Variants in VTI1A observed in about 807,000 individuals in gnomAD.
The protein encoded by VTI1A is vesicle transport through interaction with t-SNAREs homolog 1A.
VTI1A carries 22 observed loss-of-function variants against 34.9 expected under a neutral mutation model. The observed-to-expected ratio is 0.63, with a 90% CI of 0.45 to 0.90. The LOEUF (loss-of-function observed/expected upper bound fraction) is 0.90, where lower values mean the gene tolerates loss of function less well. Among genes scored for constraint, VTI1A ranks in the 40% least tolerant of loss-of-function variants. The probability of loss-of-function intolerance (pLI) is 0.00; values close to 1 mark genes in which losing one functional copy is unlikely to be tolerated. For synonymous variants in VTI1A, 87 were observed against 97.3 expected, an observed-to-expected ratio of 0.89 and a Z score of 0.62; for missense variants, 268 against 275.6, an observed-to-expected ratio of 0.97 and a Z score of 0.20.
rs778100732 is a variant in VTI1A, at chr10:112,464,629, A to G, written c.236A>G (p.Gln79Arg). The change falls in exon 3 of 8, where the codon CAA becomes CGA. Residue 79 changes from glutamine to arginine, a missense_variant. Gln to Arg is a conservative substitution (Grantham distance 43). Transcript: ENST00000393077. Reference sequence around the variant, plus strand: ...AGCAACAGAATGAGAAGCTACAAACAAGAAATGGGAAAACTCGAAACAGAT... The same window carrying G: ...AGCAACAGAATGAGAAGCTACAAACGAGAAATGGGAAAACTCGAAACAGAT... ...MYSNRMRSYK[Q>R]EMGKLETDFK... 2 of 1,612,256 alleles carry G rather than the reference A, an allele frequency of 1.2e-6. No individual in the cohort carries two copies. The highest frequency in any genetic ancestry group is 2.2e-5 in the South Asian group (2 of 90,876).
intron 5 of VTI1A, among the ~76,000 whole-genome samples, chr10:112,594,156 C>G (rs970663716): frequency 3.3e-5 from 5 of 152,180 alleles, no homozygotes; most frequent in African/African-American, 1.2e-4. Context: ...TGTGATCCGC[C>G]TCGGCCTCCC....
At chr10:112,713,734 A>T (rs187514638) in intron 7 of VTI1A, among the ~76,000 whole-genome samples, 36 of 152,228 alleles carry the variant, frequency 2.4e-4, no homozygotes, top group Non-Finnish European at 4.9e-4. Flanking sequence ...TTTCATTTAA[A>T]TTATCAGTGA....
intron 5 of VTI1A, among the ~76,000 whole-genome samples, chr10:112,573,880 A>G (rs1852229465): frequency 6.6e-6 from 1 of 152,184 alleles, no homozygotes; most frequent in Non-Finnish European, 1.5e-5. Context: ...TAATTTGAAA[A>G]TATATTAAGA....
chr10:112,642,943 T>A (rs957068374), intron 5 of VTI1A, among the ~76,000 whole-genome samples: 1 of 151,810 alleles, frequency 6.6e-6, no homozygotes, highest in Non-Finnish European at 1.5e-5. Flanking sequence ...TCCCTGTGCA[T>A]AATTATCTGA....
chr10:112,539,413 T>C (rs1850775024), intron 5 of VTI1A, among the ~76,000 whole-genome samples: 1 of 152,194 alleles, frequency 6.6e-6, no homozygotes, highest in Non-Finnish European at 1.5e-5. Flanking sequence ...ACAAACAACT[T>C]TGGCATTATA....
rs968608411 is a variant in VTI1A at position 112,734,830 on chromosome 10, T to C, written c.560+65832T>C. ...ACCATGCCAGGCTAATTTTTTTGTA[T>C]TTTTGGTAGAGATGGGGTCTCAAAC... On this transcript the variant is annotated intron_variant, in intron 7 of 7. Coordinates refer to ENST00000393077, the MANE Select transcript of VTI1A (RefSeq NM_145206.4). Among the ~76,000 whole-genome samples, 4 of 151,970 alleles carry C rather than the reference T, an allele frequency of 2.6e-5. 1 individual carries two copies. The highest frequency in any genetic ancestry group is 5.9e-5 in the Non-Finnish European group (4 of 68,010).
chr10:112,612,565 G>A (rs892798712), intron 5 of VTI1A, among the ~76,000 whole-genome samples: 3 of 152,140 alleles, frequency 2.0e-5, no homozygotes, highest in African/African-American at 7.2e-5. Flanking sequence ...GGAACTACAG[G>A]TACATGCTGC....
intron 5 of VTI1A, among the ~76,000 whole-genome samples, chr10:112,561,407 C>A (rs761238115): frequency 6.6e-6 from 1 of 152,096 alleles, no homozygotes; most frequent in African/African-American, 2.4e-5. Flanking sequence ...ATGTTTGTTT[C>A]GCTGAAATTT....
At chr10:112,455,145 GTTCCCTCCCCTTCCCTCC>G (rs1847390472) in intron 1 of VTI1A, among the ~76,000 whole-genome samples, 1 of 113,418 alleles carries the variant, frequency 8.8e-6, no homozygotes, top group African/African-American at 3.4e-5. Context: ...ATCTAGTTCA[GTTCCCTCCCCTTCCCTCC>G]TCCCCTCCTC....
At chr10:112,686,963 G>A (rs371152393) in intron 7 of VTI1A, among the ~76,000 whole-genome samples, 8 of 152,126 alleles carry the variant, frequency 5.3e-5, no homozygotes, top group African/African-American at 1.9e-4. Context: ...TCCCTTTAGA[G>A]CTTGCTGCCT....
In VTI1A at chr10:112,817,297, ACT is replaced by A. The variant is rs1294494974; in HGVS notation, c.*1917_*1918del. The A allele has an allele frequency of 8.6e-6, 2 of 232,296 alleles. No individual in the cohort carries two copies. Among genetic ancestry groups the A allele is most frequent in the African/African-American group, 4.4e-5 (2 of 45,300 alleles). 14.4% of individuals were successfully genotyped at this position (232,296 alleles called of 1,614,324 possible). On this transcript the variant is annotated 3_prime_UTR_variant, in exon 8 of 8. Transcript: ENST00000393077. ...GGCCATCCCGTCCACAATGCAGCAG[ACT>A]CTTCCCAAGGCCACCTAGCAAGCAA...
chr10:112,717,370 C>T (rs1345037498), intron 7 of VTI1A, among the ~76,000 whole-genome samples: 1 of 152,162 alleles, frequency 6.6e-6, no homozygotes, highest in East Asian at 1.9e-4. Context: ...ACTTCAGCAG[C>T]AGTCTCTCAG....
At chr10:112,513,186 A>G (rs1849671744) in intron 3 of VTI1A, among the ~76,000 whole-genome samples, 1 of 151,992 alleles carries the variant, frequency 6.6e-6, no homozygotes, top group South Asian at 2.1e-4. Context: ...ATATCTTTTC[A>G]TGTATTTGTG....
chr10:112,558,305 C>T (rs1224407427), intron 5 of VTI1A, among the ~76,000 whole-genome samples: 3 of 152,024 alleles, frequency 2.0e-5, no homozygotes, highest in Admixed American at 6.6e-5. Flanking sequence ...AGGATCCTGT[C>T]GTCCTTTAAT....
rs67154330 is a variant in VTI1A, at chr10:112,811,712, A to AAAAAAAAAAAT, written c.561-3578_561-3577insAAAAAAAAAAT. ...AAAAAAAAAAAAAAAAAAAAAAAAA[A>AAAAAAAAAAAT]GAGTGCAGTCCATGCCTGGAAGTAG... is the stretch of plus-strand genomic sequence containing the variant. On this transcript the variant is annotated intron_variant, in intron 7 of 7. Coordinates refer to ENST00000393077, the MANE Select transcript of VTI1A (RefSeq NM_145206.4). 2.6e-4 allele frequency among the ~76,000 whole-genome samples: 22 copies of AAAAAAAAAAAT among 84,060 alleles called. 3 individuals carry two copies. The highest frequency in any genetic ancestry group is 5.8e-4 in the Admixed American group (4 of 6,924). The allele number at this position is 84,060 out of a possible 152,430, so 55.1% of individuals were successfully genotyped here.
At chr10:112,711,446 A>G (rs967122658) in intron 7 of VTI1A, among the ~76,000 whole-genome samples, 1 of 152,224 alleles carries the variant, frequency 6.6e-6, no homozygotes, top group Admixed American at 6.5e-5. Flanking sequence ...AGCCTATTAA[A>G]TGAAAAGCAT....
intron 7 of VTI1A, among the ~76,000 whole-genome samples, chr10:112,701,966 C>G (rs1244722108): frequency 6.6e-6 from 1 of 152,172 alleles, no homozygotes; most frequent in Non-Finnish European, 1.5e-5. Flanking sequence ...TTAATTTCTA[C>G]TCTTGCAGCA....
the VTI1A span, among the ~76,000 whole-genome samples, chr10:112,842,205 T>C: frequency 6.6e-6 from 1 of 152,024 alleles, no homozygotes; most frequent in South Asian, 2.1e-4. Context: ...TGTTACCAGA[T>C]GGAAAAGTGA....
intron 5 of VTI1A, among the ~76,000 whole-genome samples, chr10:112,609,552 A>C (rs1242331827): frequency 6.6e-6 from 1 of 152,220 alleles, no homozygotes; most frequent in Non-Finnish European, 1.5e-5. Context: ...GAATGGATAC[A>C]TGAATGGTAT....
Sources: allele counts gnomAD v4.1 joint callset (sites outside exome capture counted in the v4.1 genomes callset), GRCh38; gene constraint gnomAD v4.1.1; transcripts MANE v1.5; gene names NCBI Gene and HGNC (gene_info 2026-07-23, HGNC 2026-07-21).